Variants in PLPP1 observed in about 807,000 individuals in gnomAD.
The protein encoded by PLPP1 is phospholipid phosphatase 1, also known as lipid phosphate phosphohydrolase 1a.
A neutral mutation model predicts 31.2 loss-of-function variants in PLPP1; 24 were observed. The observed-to-expected ratio is 0.77, with a 90% CI of 0.56 to 1.08. The LOEUF (loss-of-function observed/expected upper bound fraction) is 1.08, where lower values mean the gene tolerates loss of function less well. Among genes scored for constraint, PLPP1 ranks in the 50% least tolerant of loss-of-function variants. The probability of loss-of-function intolerance (pLI) is 0.00; values close to 1 mark genes in which losing one functional copy is unlikely to be tolerated. For synonymous variants in PLPP1, 146 were observed against 126.3 expected (o/e 1.16, Z -1.05); for missense variants, 319 against 342.7 (o/e 0.93, Z 0.55).
chr5:55,437,892 A>G (rs1484437985), intron 4 of PLPP1, among the ~76,000 whole-genome samples: 1 of 152,232 alleles, frequency 6.6e-6, no homozygotes, highest in African/African-American at 2.4e-5. Flanking sequence ...CAACAATGCT[A>G]GGAGGTATAC....
intron 3 of PLPP1, among the ~76,000 whole-genome samples, chr5:55,463,556 G>A (rs1184861016): frequency 6.6e-6 from 1 of 151,788 alleles, no homozygotes; most frequent in East Asian, 1.9e-4. Flanking sequence ...AGCTACTCAA[G>A]ACGCTGAGGC....
At chr5:55,491,094 G>C (rs201379532) in intron 1 of PLPP1, 431 of 1,613,472 alleles carry the variant, frequency 2.7e-4, no homozygotes, top group Non-Finnish European at 3.4e-4. Context: ...CCCAATTTTA[G>C]AACAGCCATA....
At chr5:55,516,317 A>C (rs1235107734) in intron 1 of PLPP1, among the ~76,000 whole-genome samples, 1 of 152,028 alleles carries the variant, frequency 6.6e-6, no homozygotes, top group Non-Finnish European at 1.5e-5. Flanking sequence ...TCTTAGCTCT[A>C]ATCTATCATT....
chr5:55,529,549 A>AC (rs1477395956), intron 1 of PLPP1, among the ~76,000 whole-genome samples: 1 of 152,182 alleles, frequency 6.6e-6, no homozygotes, highest in African/African-American at 2.4e-5. Context: ...CCTTCTAATA[A>AC]CAAAAAGAAA....
At position 55,467,892 on chromosome 5, in the gene PLPP1, A is replaced by T; in HGVS notation, c.468T>A (p.Asn156Lys). ...GYIEYYICRG[N>K]AERVKEGRLS... ...ACCTGCCTTCCTTAACTCTTTCTGC[A>T]TTCCCTCGACATATGTAGTATTCAA... Residue 156 changes from asparagine (N) to lysine (K), a missense_variant, in exon 3 of 6, where the codon AAT (asparagine) becomes AAA (lysine). Physicochemically the swap from Asn to Lys is moderately conservative, Grantham distance 94. Coordinates refer to ENST00000307259, the MANE Select transcript of PLPP1 (RefSeq NM_003711.4). 1.2e-6 allele frequency: 2 copies of T among 1,612,642 alleles called. No homozygotes were observed. The highest frequency in any genetic ancestry group is 1.7e-6 in the Non-Finnish European group (2 of 1,179,218).
intron 4 of PLPP1, among the ~76,000 whole-genome samples, chr5:55,431,960 C>T (rs1215144204): frequency 6.6e-6 from 1 of 152,230 alleles, no homozygotes; most frequent in Admixed American, 6.5e-5. Flanking sequence ...GTCTCACTGT[C>T]ACCCAGTCTG....
chr5:55,493,119 C>T (rs1752930888), intron 1 of PLPP1, among the ~76,000 whole-genome samples: 1 of 152,056 alleles, frequency 6.6e-6, no homozygotes, highest in African/African-American at 2.4e-5. Flanking sequence ...TCAAGACTAG[C>T]CTGGGCAACA....
At chr5:55,472,010 T>C (rs76925544) in intron 2 of PLPP1, among the ~76,000 whole-genome samples, 18,478 of 152,070 alleles carry the variant, frequency 0.12, 1,172 homozygotes, top group Middle Eastern at 0.15. Context: ...TGGTCCCAGC[T>C]CCTCAGGTGG....
rs74571453 is a variant in PLPP1, at chr5:55,428,941, C to T, written c.550-2902G>A. Among the ~76,000 whole-genome samples, 611 of 152,090 alleles carry T rather than the reference C, an allele frequency of 4.0e-3. 4 individuals are homozygous for T. Among genetic ancestry groups the T allele is most frequent in the African/African-American group, 0.014 (583 of 41,462 alleles). On this transcript the variant is annotated intron_variant, in intron 4 of 5. Coordinates refer to ENST00000307259, the MANE Select transcript of PLPP1 (RefSeq NM_003711.4). ...GCAGCAACATTATTACTTTTAATTC[C>T]CCTTCTAGGTGGAATTGCCCATTCA...
At chr5:55,504,524 C>CAAAAAAAAAAAAAAA (rs70995703) in intron 1 of PLPP1, among the ~76,000 whole-genome samples, 1 of 54,286 alleles carries the variant, frequency 1.8e-5, no homozygotes, top group Non-Finnish European at 3.2e-5. Flanking sequence ...GACTCCATCT[C>CAAAAAAAAAAAAAAA]AAAAAAAAAA....
chr5:55,463,451 C>G (rs901240072), intron 3 of PLPP1, among the ~76,000 whole-genome samples: 4 of 152,030 alleles, frequency 2.6e-5, no homozygotes, highest in African/African-American at 9.7e-5. Flanking sequence ...CACTTGAGGT[C>G]AGGAATTCAA....
chr5:55,491,322 C>G (rs1014220061), intron 1 of PLPP1, among the ~76,000 whole-genome samples: 1 of 152,118 alleles, frequency 6.6e-6, no homozygotes, highest in Non-Finnish European at 1.5e-5. Flanking sequence ...AGTATAAATA[C>G]TATTACTTGC....
At chr5:55,502,447 A>AAG (rs1753167662) in intron 1 of PLPP1, among the ~76,000 whole-genome samples, 1 of 151,864 alleles carries the variant, frequency 6.6e-6, no homozygotes, top group Non-Finnish European at 1.5e-5. Flanking sequence ...AGATCGTGCC[A>AAG]CTGCACTCCA....
chr5:55,452,974 C>T (rs573055270), intron 3 of PLPP1, among the ~76,000 whole-genome samples: 50 of 152,264 alleles, frequency 3.3e-4, no homozygotes, highest in African/African-American at 1.2e-3. Context: ...TAATTCATGT[C>T]ATACTCTTAA....
intron 1 of PLPP1, chr5:55,491,209 A>T: frequency 7.3e-7 from 1 of 1,368,578 alleles, no homozygotes; most frequent in Non-Finnish European, 9.9e-7. Context: ...TCCTAGCCAT[A>T]TTTTGCCCTC....
At chr5:55,530,594 A>C (rs1740627964) in intron 1 of PLPP1, 44 of 1,364,516 alleles carry the variant, frequency 3.2e-5, no homozygotes, top group Non-Finnish European at 4.5e-5. Flanking sequence ...ATTTGCAATG[A>C]AGTCTCATGC....
chr5:55,531,693 A>G (rs898780025), intron 1 of PLPP1, among the ~76,000 whole-genome samples: 2 of 152,242 alleles, frequency 1.3e-5, no homozygotes, highest in African/African-American at 4.8e-5. Flanking sequence ...TGCTGTCAGT[A>G]AAATGAATAC....
At chr5:55,514,253 C>T (rs1191566063) in intron 1 of PLPP1, among the ~76,000 whole-genome samples, 1 of 151,896 alleles carries the variant, frequency 6.6e-6, no homozygotes, top group African/African-American at 2.4e-5. Flanking sequence ...GCTGTGGTGG[C>T]ATGCACCTGT....
chr5:55,432,098 C>CTTTTTTTTT (rs869025950), intron 4 of PLPP1, among the ~76,000 whole-genome samples: 20 of 7,114 alleles, frequency 2.8e-3, no homozygotes, highest in South Asian at 0.016. Context: ...TCTTTTTCTT[C>CTTTTTTTTT]TTTTTTTTTT....
Sources: allele counts gnomAD v4.1 joint callset (sites outside exome capture counted in the v4.1 genomes callset), GRCh38; gene constraint gnomAD v4.1.1; transcripts MANE v1.5; gene names NCBI Gene and HGNC (gene_info 2026-07-23, HGNC 2026-07-21).